EBF1: variants seen among roughly 807,000 people sequenced by gnomAD.
The protein encoded by EBF1 is transcription factor COE1.
In EBF1, 10 loss-of-function variants were observed where a neutral mutation model predicts 68.4. The observed-to-expected ratio is 0.15, with a 90% confidence interval of 0.09 to 0.25. The LOEUF (loss-of-function observed/expected upper bound fraction) is 0.25. EBF1 is among the 10% of genes least tolerant of loss of function. EBF1 has a pLI of 1.00. For synonymous variants in EBF1, 298 were observed against 299.8 expected (o/e 0.99, Z 0.06); for missense variants, 509 against 794.4 (o/e 0.64, Z 4.32).
chr5:158,997,191 G>C (rs1761586763), intron 6 of EBF1, among the ~76,000 whole-genome samples: 1 of 152,006 alleles, frequency 6.6e-6, no homozygotes, highest in Non-Finnish European at 1.5e-5. Context: ...TGAATTCCTG[G>C]GTCCCAAGAA....
chr5:158,813,423 G>C (rs535419070), intron 8 of EBF1, among the ~76,000 whole-genome samples: 27 of 152,290 alleles, frequency 1.8e-4, no homozygotes, highest in African/African-American at 6.5e-4. Flanking sequence ...GAAGAATGCA[G>C]GGTGAGAGCT....
chr5:158,872,853 TTACAATATGCCAGG>T (rs980033146), intron 6 of EBF1, among the ~76,000 whole-genome samples: 2 of 152,166 alleles, frequency 1.3e-5, no homozygotes, highest in Non-Finnish European at 2.9e-5. Context: ...TGCTAAGCTG[TTACAATATGCCAGG>T]CACTGTCCCT....
rs10061416 is a variant in EBF1 at position 158,788,557 on chromosome 5, G to A, written c.909+7788C>T. Among the ~76,000 whole-genome samples, 1,127 of 152,320 alleles carry A rather than the reference G, an allele frequency of 7.4e-3. 20 individuals carry two copies. The highest frequency in any genetic ancestry group is 0.026 in the African/African-American group (1,069 of 41,578). Reference sequence around the variant, plus strand: ...CTTTAGAAAAGAGAAAGCCAGTAAAGGTTGTATAAGGTAGAAGGCTTTATT... The same window carrying A: ...CTTTAGAAAAGAGAAAGCCAGTAAAAGTTGTATAAGGTAGAAGGCTTTATT... On this transcript the variant is annotated intron_variant, in intron 9 of 15. Transcript: ENST00000313708.
intron 6 of EBF1, among the ~76,000 whole-genome samples, chr5:158,880,629 CCCAGCATCAAATTAAAATAG>C (rs1798726236): frequency 6.6e-6 from 1 of 152,066 alleles, no homozygotes; most frequent in Non-Finnish European, 1.5e-5. Context: ...AGGTAATGTC[CCCAGCATCAAATTAAAATAG>C]CTAACCGGCC....
chr5:158,803,940 G>A (rs1024621534), intron 8 of EBF1, among the ~76,000 whole-genome samples: 4 of 123,780 alleles, frequency 3.2e-5, no homozygotes, highest in African/African-American at 6.3e-5. Flanking sequence ...AAAAAGAGTC[G>A]TGTGTGTGTC....
chr5:158,713,132 T>A lies in EBF1; in HGVS notation c.1207A>T (p.Arg403Ter). Residue 403 changes from arginine to a stop codon, truncating the protein, a stop_gained, in exon 13 of 16, where the codon AGA becomes TGA. Coordinates refer to ENST00000313708, the MANE Select transcript of EBF1 (RefSeq NM_024007.5). LOFTEE classifies it high-confidence loss of function. ...PHNNQEIILK[R>*]AADIAEALYS... ...AGGGCCTCGGCAATGTCGGCCGCTC[T>A]CTTCAGAATGATTTCCTGAAAAGTC... 6.7e-7 allele frequency: 1 copy of A among 1,491,700 alleles called. No individual in the cohort carries two copies. Among genetic ancestry groups the A allele is most frequent in the Non-Finnish European group, 9.0e-7 (1 of 1,114,648 alleles). 92.4% of individuals were successfully genotyped at this position (1,491,700 alleles called of 1,614,324 possible). A position where few individuals can be genotyped will look rare whatever the true frequency, so the allele number is the denominator to read the frequency against.
At chr5:159,052,122 G>A (rs953414078) in intron 6 of EBF1, among the ~76,000 whole-genome samples, 4 of 151,760 alleles carry the variant, frequency 2.6e-5, no homozygotes, top group Non-Finnish European at 4.4e-5. Flanking sequence ...TACCATGAAC[G>A]CAATTTTGGA....
chr5:158,951,864 C>G (rs577955751), intron 6 of EBF1, among the ~76,000 whole-genome samples: 2 of 152,212 alleles, frequency 1.3e-5, no homozygotes, highest in Non-Finnish European at 2.9e-5. Flanking sequence ...GATGCAAACT[C>G]GCTGTCTTGC....
intron 6 of EBF1, among the ~76,000 whole-genome samples, chr5:159,033,518 A>G (rs1769376780): frequency 6.6e-6 from 1 of 152,218 alleles, no homozygotes; most frequent in Non-Finnish European, 1.5e-5. Flanking sequence ...GACTTTACAC[A>G]AAAGTTAAAA....
At chr5:158,909,148 G>C (rs904372425) in intron 6 of EBF1, among the ~76,000 whole-genome samples, 2 of 151,894 alleles carry the variant, frequency 1.3e-5, no homozygotes, top group Admixed American at 6.6e-5. Context: ...GAAAGAAAAA[G>C]AAAGAAAGAA....
At chr5:158,852,072 GGGGA>G (rs1793037053) in intron 6 of EBF1, among the ~76,000 whole-genome samples, 2 of 97,854 alleles carry the variant, frequency 2.0e-5, no homozygotes, top group Non-Finnish European at 2.1e-5. Context: ...GGGGAGGAGA[GGGGA>G]GGGAGGGGAG....
intron 6 of EBF1, among the ~76,000 whole-genome samples, chr5:159,016,053 T>C (rs1765561970): frequency 6.6e-6 from 1 of 152,204 alleles, no homozygotes; most frequent in Non-Finnish European, 1.5e-5. Context: ...CCTTAGCATG[T>C]CTGGAGGTGG....
At chr5:159,064,899 C>CTTTTTTTTTATTT (rs1776503156) in intron 6 of EBF1, among the ~76,000 whole-genome samples, 1 of 67,912 alleles carries the variant, frequency 1.5e-5, no homozygotes, top group Non-Finnish European at 2.5e-5. Context: ...CTCTTTTCAT[C>CTTTTTTTTTATTT]TTTTTTTTTT....
chr5:158,873,679 T>C (rs1487537846), intron 6 of EBF1, among the ~76,000 whole-genome samples: 1 of 152,204 alleles, frequency 6.6e-6, no homozygotes, highest in Middle Eastern at 3.2e-3. Flanking sequence ...AGGGTACTCA[T>C]TGAAAACCAA....
intron 9 of EBF1, among the ~76,000 whole-genome samples, 185 bp from the exon 10 acceptor site, chr5:158,777,724 C>A (rs924075877): frequency 6.6e-6 from 1 of 152,194 alleles, no homozygotes. Flanking sequence ...TGAGTACAGC[C>A]ATAACAATAT....
intron 6 of EBF1, among the ~76,000 whole-genome samples, chr5:158,934,055 G>A (rs965440100): frequency 2.6e-5 from 4 of 152,106 alleles, no homozygotes; most frequent in Admixed American, 6.6e-5. Flanking sequence ...TCAAAACCAT[G>A]ATATGGAGCC....
At chr5:159,063,558 G>A (rs1330170636) in intron 6 of EBF1, among the ~76,000 whole-genome samples, 1 of 152,158 alleles carries the variant, frequency 6.6e-6, no homozygotes, top group Non-Finnish European at 1.5e-5. Context: ...CACTGAGAAA[G>A]CTGCATGAAG....
chr5:159,021,170 C>A (rs1184484309), intron 6 of EBF1, among the ~76,000 whole-genome samples: 1 of 152,190 alleles, frequency 6.6e-6, no homozygotes, highest in South Asian at 2.1e-4. Flanking sequence ...AAATTGAAGA[C>A]CCTGGTACTT....
Position 158,696,491 on chromosome 5 carries a change from CT to C in EBF1, c.*2619del. 4.5e-6 allele frequency: 1 copy of C among 224,294 alleles called. No homozygotes were observed. Among genetic ancestry groups the C allele is most frequent in the Non-Finnish European group, 8.9e-6 (1 of 112,380 alleles). The allele number at this position is 224,294 out of a possible 1,614,324, so 13.9% of individuals were successfully genotyped here. A position where few individuals can be genotyped will look rare whatever the true frequency, so the allele number is the denominator to read the frequency against. ...CACCTTCCCGGCTGACCGTTCATTCCTTCAGAAACAGTTAAGGGGCTCACCA... is the reference window on the plus strand; with the variant it reads ...CACCTTCCCGGCTGACCGTTCATTCCTCAGAAACAGTTAAGGGGCTCACCA... On this transcript the variant is annotated 3_prime_UTR_variant, in exon 16 of 16. Transcript: ENST00000313708.
Sources: allele counts gnomAD v4.1 joint callset (sites outside exome capture counted in the v4.1 genomes callset), GRCh38; gene constraint gnomAD v4.1.1; transcripts MANE v1.5; gene names NCBI Gene and HGNC (gene_info 2026-07-23, HGNC 2026-07-21).